Variants in C12orf50 observed in about 807,000 individuals in gnomAD.
C12orf50 encodes the protein uncharacterized protein C12orf50.
In C12orf50, 35 loss-of-function variants were observed where a neutral mutation model predicts 61.6. The observed-to-expected ratio is 0.57, with a 90% CI of 0.43 to 0.75. C12orf50 has a LOEUF of 0.75. Among genes scored for constraint, C12orf50 ranks in the 30% least tolerant of loss-of-function variants. C12orf50 has a pLI of 0.00. For synonymous variants in C12orf50, 178 were observed against 161.5 expected (o/e 1.10, Z -0.77); for missense variants, 475 against 488.5 (o/e 0.97, Z 0.26).
At chr12:88,008,897 TATAA>T (rs1420033306) in intron 3 of C12orf50, among the ~76,000 whole-genome samples, 4 of 152,218 alleles carry the variant, frequency 2.6e-5, no homozygotes, top group East Asian at 3.9e-4. Context: ...TTGAACATTT[TATAA>T]ATAGAGTTAA....
chr12:88,019,443 C>T (rs1235916144), intron 3 of C12orf50, among the ~76,000 whole-genome samples: 1 of 152,072 alleles, frequency 6.6e-6, no homozygotes, highest in East Asian at 1.9e-4. Flanking sequence ...ATTGCCCAGT[C>T]TTGGGTATCT....
intron 3 of C12orf50, among the ~76,000 whole-genome samples, chr12:88,004,630 C>A (rs1434771784): frequency 6.6e-6 from 1 of 152,146 alleles, no homozygotes; most frequent in Non-Finnish European, 1.5e-5. Flanking sequence ...TGGAGTCAAC[C>A]TAAATGCCCA....
intron 11 of C12orf50, 194 bp downstream of exon 11, chr12:87,985,656 A>G: frequency 1.6e-6 from 1 of 624,532 alleles, no homozygotes; most frequent in East Asian, 2.8e-5. Context: ...ACACAACATG[A>G]GTTTTCTTCC....
intron 7 of C12orf50, among the ~76,000 whole-genome samples, chr12:87,993,522 C>G (rs1217478820): frequency 6.6e-6 from 1 of 152,112 alleles, no homozygotes; most frequent in Non-Finnish European, 1.5e-5. Flanking sequence ...TAGACTAAAA[C>G]TGCTGCAGAT....
intron 12 of C12orf50, among the ~76,000 whole-genome samples, chr12:87,980,784 A>G (rs1452440196): frequency 2.6e-5 from 4 of 152,056 alleles, no homozygotes; most frequent in African/African-American, 9.7e-5. Context: ...ATTCTCCTCT[A>G]TTATTGCATT....
chr12:87,985,778 C>T, intron 11 of C12orf50, 72 bp downstream of exon 11: 1 of 1,510,600 alleles, frequency 6.6e-7, no homozygotes. Context: ...TGAAGTTTAG[C>T]CAAGCTGTCA....
At position 87,987,924 on chromosome 12, in the gene C12orf50, C is replaced by T. The variant is rs146317259; in HGVS notation, c.743G>A (p.Arg248Gln). The change falls in exon 9 of 13, where the codon CGA (arginine) becomes CAA (glutamine). Residue 248 changes from arginine to glutamine, a missense_variant. Arg to Gln is a conservative substitution (Grantham distance 43). Coordinates refer to ENST00000298699, the MANE Select transcript of C12orf50 (RefSeq NM_152589.3). Reference protein sequence around the residue: ...SPHPKHSLTTRLVPTTHVLNA... With the variant: ...SPHPKHSLTTQLVPTTHVLNA... The stretch of plus-strand genomic sequence containing the variant: ...TAATACATGCGTTGTAGGTACTAGT[C>T]GGGTAGTTAGGGAATGCTTTGGATG... 95 of 1,611,470 alleles carry T rather than the reference C, an allele frequency of 5.9e-5. No individual in the cohort carries two copies. In the African/African-American group the frequency reaches 9.1e-4, roughly 15 times the overall value.
At chr12:87,990,009 C>A (rs1483497809) in intron 7 of C12orf50, among the ~76,000 whole-genome samples, 2 of 152,076 alleles carry the variant, frequency 1.3e-5, no homozygotes, top group Non-Finnish European at 2.9e-5. Flanking sequence ...CTCTAATAAT[C>A]CAATGTGACT....
chr12:88,026,893 TC>T, intron 2 of C12orf50, 57 bp downstream of exon 2: 1 of 1,574,818 alleles, frequency 6.3e-7, no homozygotes, highest in South Asian at 1.2e-5. Flanking sequence ...AAAGTATAAT[TC>T]AGCATTATTG....
At chr12:88,002,053 T>G (rs1437627715) in intron 3 of C12orf50, among the ~76,000 whole-genome samples, 1 of 151,794 alleles carries the variant, frequency 6.6e-6, no homozygotes, top group African/African-American at 2.4e-5. Context: ...AGGTTTAATG[T>G]GCTTTTCTTT....
chr12:88,001,404 G>C (rs2031648595), intron 3 of C12orf50, among the ~76,000 whole-genome samples: 3 of 151,436 alleles, frequency 2.0e-5, no homozygotes, highest in Non-Finnish European at 3.0e-5. Flanking sequence ...AAAGCTGTCA[G>C]ATTTAGTGTA....
intron 7 of C12orf50, 143 bp downstream of exon 7, chr12:87,994,490 C>T (rs1194516148): frequency 1.6e-6 from 1 of 625,074 alleles, no homozygotes; most frequent in African/African-American, 1.8e-5. Context: ...TCTCTGAAAG[C>T]AACTGATTTT....
chr12:88,020,323 A>G (rs1256078828), intron 3 of C12orf50, among the ~76,000 whole-genome samples: 1 of 152,210 alleles, frequency 6.6e-6, no homozygotes, highest in Non-Finnish European at 1.5e-5. Flanking sequence ...TGATACCCAT[A>G]GGCTCAAAAT....
At chr12:88,007,795 A>G (rs1287625820) in intron 3 of C12orf50, among the ~76,000 whole-genome samples, 5 of 152,130 alleles carry the variant, frequency 3.3e-5, no homozygotes, top group Admixed American at 6.5e-5. Context: ...TTGTACTTTG[A>G]TATGCAATAA....
intron 3 of C12orf50, among the ~76,000 whole-genome samples, chr12:88,013,886 C>G (rs1030805169): frequency 2.6e-5 from 4 of 152,140 alleles, no homozygotes; most frequent in African/African-American, 9.7e-5. Flanking sequence ...CCAGGTAATT[C>G]TAACGTGGAG....
rs534329847 is a variant in C12orf50, at chr12:87,998,033, A to G, written c.289+2T>C. On this transcript the variant is annotated splice_donor_variant, in intron 4 of 12. Transcript: ENST00000298699. LOFTEE classifies it high-confidence loss of function. ...TGTAAACCTGAAAAAAGTTCTACTA[A>G]CCATTTTGTTCATCTACTTCCTCTT... 6.2e-7 allele frequency: 1 copy of G among 1,606,286 alleles called. No individual in the cohort carries two copies. The highest frequency in any genetic ancestry group is 1.1e-5 in the South Asian group (1 of 89,408).
intron 11 of C12orf50, 126 bp from the exon 12 acceptor site, chr12:87,983,321 G>C: frequency 1.9e-6 from 1 of 518,230 alleles, no homozygotes; most frequent in Non-Finnish European, 3.3e-6. Context: ...CCATTTCAAA[G>C]CTAAGGCATC....
intron 1 of C12orf50, chr12:88,027,810 T>C (rs1440327927): frequency 6.6e-6 from 1 of 152,146 alleles, no homozygotes; most frequent in Non-Finnish European, 1.5e-5. Flanking sequence ...GAGAGGTGGA[T>C]AACATTCTTC....
chr12:88,025,074 T>C (rs2032652409), intron 3 of C12orf50, among the ~76,000 whole-genome samples: 1 of 152,146 alleles, frequency 6.6e-6, no homozygotes, highest in African/African-American at 2.4e-5. Flanking sequence ...TGGTAGCTTG[T>C]GAGAGAATAG....
Sources: gnomAD v4.1 joint callset for allele counts (sites outside exome capture counted in the v4.1 genomes callset) on GRCh38, gnomAD v4.1.1 for gene constraint, MANE v1.5 for transcripts, NCBI Gene and HGNC (gene_info 2026-07-23, HGNC 2026-07-21) for gene names.